Variants in MAPKAPK3 observed in about 807,000 individuals in gnomAD.
MAPKAPK3 encodes MAP kinase-activated protein kinase 3.
In MAPKAPK3, 35 loss-of-function variants were observed where a neutral mutation model predicts 49.2. The observed-to-expected ratio is 0.71, with a 90% CI of 0.54 to 0.94. The LOEUF (loss-of-function observed/expected upper bound fraction) is 0.94, where lower values mean the gene tolerates loss of function less well. Among genes scored for constraint, MAPKAPK3 ranks in the 40% least tolerant of loss-of-function variants. MAPKAPK3 has a pLI of 0.00. For missense variants in MAPKAPK3, 398 were observed against 493.1 expected, an observed-to-expected ratio of 0.81 and a Z score of 1.83; for synonymous variants, 178 against 188.7, an observed-to-expected ratio of 0.94 and a Z score of 0.46.
intron 2 of MAPKAPK3, among the ~76,000 whole-genome samples, chr3:50,634,532 A>G (rs1403440016): frequency 6.6e-6 from 1 of 150,428 alleles, no homozygotes; most frequent in Non-Finnish European, 1.5e-5. Flanking sequence ...TTTCTTGCCC[A>G]GGCTGGAGTG....
intron 2 of MAPKAPK3, among the ~76,000 whole-genome samples, chr3:50,624,645 G>A (rs4133713): frequency 6.6e-6 from 1 of 152,188 alleles, no homozygotes; most frequent in African/African-American, 2.4e-5. Context: ...CACACCTGGG[G>A]AAGTGGAGTT....
At chr3:50,615,327 ATGTGCATGTGTATCTG>A (rs1486577054), upstream of MAPKAPK3, among the ~76,000 whole-genome samples, 1 of 125,632 alleles carries the variant, frequency 8.0e-6, no homozygotes, top group African/African-American at 2.7e-5. Context: ...GTGTGTGCAC[ATGTGCATGTGTATCTG>A]TGTGCATGTG....
At chr3:50,628,581 C>A (rs1201523306) in intron 2 of MAPKAPK3, among the ~76,000 whole-genome samples, 1 of 152,166 alleles carries the variant, frequency 6.6e-6, no homozygotes, top group Non-Finnish European at 1.5e-5. Flanking sequence ...AAGGAAGATA[C>A]CAGAACCTGG....
chr3:50,623,673 G>A (rs1030829409), intron 2 of MAPKAPK3, among the ~76,000 whole-genome samples: 15 of 152,254 alleles, frequency 9.9e-5, no homozygotes, highest in Non-Finnish European at 1.9e-4. Context: ...ATATGGATGA[G>A]GTTCAGAGGT....
intron 2 of MAPKAPK3, among the ~76,000 whole-genome samples, chr3:50,623,665 A>G (rs1260988157): frequency 1.3e-5 from 2 of 152,226 alleles, no homozygotes; most frequent in Non-Finnish European, 2.9e-5. Context: ...CTCCCATTAT[A>G]TGGATGAGGT....
At chr3:50,618,678 C>T (rs2032533359) in intron 2 of MAPKAPK3, among the ~76,000 whole-genome samples, 1 of 152,124 alleles carries the variant, frequency 6.6e-6, no homozygotes, top group African/African-American at 2.4e-5. Context: ...AGCAAAGGCC[C>T]TTCTCATTTT....
chr3:50,646,212 C>G lies in MAPKAPK3; in HGVS notation c.777C>G (p.Arg259=). The change falls in exon 8 of 11, where the codon CGC becomes CGG. Residue 259 remains arginine, a synonymous_variant. Transcript: ENST00000621469. ...AISPGMKRRI[R]LGQYGFPNPE... ...CCCCGGGGATGAAGAGGAGGATTCG[C>G]CTGGGCCAGTACGGCTTCCCCAATC... The G allele has an allele frequency of 6.2e-7, 1 of 1,614,184 alleles. No individual in the cohort carries two copies.
At chr3:50,626,792 G>C (rs897387814) in intron 2 of MAPKAPK3, among the ~76,000 whole-genome samples, 1 of 152,182 alleles carries the variant, frequency 6.6e-6, no homozygotes. Flanking sequence ...CCAGGGTCAC[G>C]TAGTATGGAC....
intron 2 of MAPKAPK3, among the ~76,000 whole-genome samples, chr3:50,629,447 G>A (rs1363063824): frequency 1.3e-5 from 2 of 152,224 alleles, no homozygotes; most frequent in Non-Finnish European, 2.9e-5. Context: ...CCTTCAGTGT[G>A]CACTGGACAC....
chr3:50,635,406 CTTTTTTTTTTTT>C (rs386396609), intron 2 of MAPKAPK3, among the ~76,000 whole-genome samples: 7 of 48,582 alleles, frequency 1.4e-4, no homozygotes, highest in East Asian at 1.8e-3. Context: ...TCAATTTAAT[CTTTTTTTTTTTT>C]TTTTTTTTTT....
In MAPKAPK3 at chr3:50,617,557, G is replaced by A. The variant is rs1443496810; in HGVS notation, c.-9G>A. ...GGCTGGGGCCGCCTCTGAGCGCCCC[G>A]CGGGGGCCATGGATGGTGAAACAGC... On this transcript the variant is annotated 5_prime_UTR_variant, in exon 2 of 11. Transcript: ENST00000621469. The A allele has an allele frequency of 1.4e-6, 2 of 1,444,956 alleles. No homozygotes were observed. The highest frequency in any genetic ancestry group is 1.9e-6 in the Non-Finnish European group (2 of 1,038,418). The allele number at this position is 1,444,956 out of a possible 1,614,324, so 89.5% of individuals were successfully genotyped here.
chr3:50,616,395 T>G (rs751399733), upstream of MAPKAPK3, among the ~76,000 whole-genome samples: 2 of 152,208 alleles, frequency 1.3e-5, no homozygotes, highest in Non-Finnish European at 2.9e-5. Flanking sequence ...TAAGATGGGC[T>G]TAACAGAGAC....
chr3:50,630,948 G>A (rs1465922452), intron 2 of MAPKAPK3, among the ~76,000 whole-genome samples: 1 of 152,212 alleles, frequency 6.6e-6, no homozygotes, highest in Non-Finnish European at 1.5e-5. Context: ...CCTGTAGGGA[G>A]CGCTAATCCC....
intron 2 of MAPKAPK3, among the ~76,000 whole-genome samples, chr3:50,631,937 A>G (rs2032925271): frequency 6.6e-6 from 1 of 152,196 alleles, no homozygotes; most frequent in Non-Finnish European, 1.5e-5. Flanking sequence ...TAGGTGGGAC[A>G]GGTGTTGGAG....
At chr3:50,636,848 G>T (rs1340543842) in intron 2 of MAPKAPK3, among the ~76,000 whole-genome samples, 4 of 152,074 alleles carry the variant, frequency 2.6e-5, no homozygotes, top group Non-Finnish European at 5.9e-5. Context: ...GGATTTCTTG[G>T]CAGCTGGACC....
chr3:50,633,351 C>G (rs2032959358), intron 2 of MAPKAPK3, among the ~76,000 whole-genome samples: 1 of 151,938 alleles, frequency 6.6e-6, no homozygotes, highest in South Asian at 2.1e-4. Context: ...CCCACACACC[C>G]ACCCCCATAC....
upstream of MAPKAPK3, chr3:50,617,112 T>TGGGGGGGGGGGGG (rs1293236414): frequency 2.3e-4 from 1 of 4,418 alleles, no homozygotes. Flanking sequence ...GAGGGGGGGG[T>TGGGGGGGGGGGGG]GGGGAGGGGG....
rs2032508350 is a variant in MAPKAPK3, at chr3:50,617,721, G to A, written c.156G>A (p.Leu52=). ...DYQLSKQVLG[L]GVNGKVLECF... ...AGTTGTCCAAGCAGGTGCTGGGCCT[G>A]GGTGTGAACGGCAAAGTGCTGGAGT... The change falls in exon 2 of 11, where the codon CTG becomes CTA. Residue 52 remains leucine (L), a synonymous_variant. Coordinates refer to ENST00000621469, the MANE Select transcript of MAPKAPK3 (RefSeq NM_001243925.2). 1.2e-6 allele frequency: 2 copies of A among 1,613,708 alleles called. 1 individual carries two copies. The highest frequency in any genetic ancestry group is 4.5e-5 in the East Asian group (2 of 44,862).
intron 2 of MAPKAPK3, among the ~76,000 whole-genome samples, chr3:50,638,090 G>A (rs1033059853): frequency 6.6e-6 from 1 of 152,170 alleles, no homozygotes; most frequent in African/African-American, 2.4e-5. Context: ...TTCCAGCTGT[G>A]AGCTTGGACT....
Sources: gnomAD v4.1 joint callset for allele counts (sites outside exome capture counted in the v4.1 genomes callset) on GRCh38, gnomAD v4.1.1 for gene constraint, MANE v1.5 for transcripts, NCBI Gene and HGNC (gene_info 2026-07-23, HGNC 2026-07-21) for gene names.